The following FGF12 variants were observed in gnomAD, a reference collection of about 807,000 sequenced individuals.
FGF12 encodes fibroblast growth factor 12, also known as fibroblast growth factor 12B.
FGF12 carries 14 observed loss-of-function variants against 23.6 expected under a neutral mutation model. The ratio of observed to expected loss-of-function variants is 0.59; its 90% CI spans 0.39 to 0.93. The LOEUF (loss-of-function observed/expected upper bound fraction) is 0.93, where lower values mean the gene tolerates loss of function less well. Among genes scored for constraint, FGF12 ranks in the 40% least tolerant of loss-of-function variants. FGF12 has a pLI of 0.00. For missense variants in FGF12, 175 were observed against 217.8 expected, an observed-to-expected ratio of 0.80 and a Z score of 1.24; for synonymous variants, 62 against 77.3, an observed-to-expected ratio of 0.80 and a Z score of 1.04.
chr3:192,543,510 C>T (rs567793544), intron 2 of FGF12, among the ~76,000 whole-genome samples: 10 of 151,982 alleles, frequency 6.6e-5, no homozygotes, highest in East Asian at 1.9e-4. Flanking sequence ...CCATTGTGGC[C>T]GAGCTGGTAC....
intron 4 of FGF12, among the ~76,000 whole-genome samples, chr3:192,192,549 A>G (rs1246921782): frequency 6.7e-6 from 1 of 150,228 alleles, no homozygotes; most frequent in East Asian, 1.9e-4. Flanking sequence ...GAAACAAGAC[A>G]GATCTTCGCA....
At chr3:192,246,506 T>C (rs1711574883) in intron 4 of FGF12, among the ~76,000 whole-genome samples, 1 of 151,994 alleles carries the variant, frequency 6.6e-6, no homozygotes, top group East Asian at 1.9e-4. Context: ...TGGTTCTAAT[T>C]GACATAAATA....
At chr3:192,681,150 G>A (rs62294805) in intron 2 of FGF12, among the ~76,000 whole-genome samples, 11,667 of 152,206 alleles carry the variant, frequency 0.077, 474 homozygotes, top group Middle Eastern at 0.12. Flanking sequence ...AAATGATAAA[G>A]GGTCAGAATA....
intron 4 of FGF12, 65 bp downstream of exon 4, chr3:192,335,296 T>G (rs1560074952): frequency 1.9e-6 from 2 of 1,026,372 alleles, no homozygotes; most frequent in Non-Finnish European, 3.0e-6. Flanking sequence ...ACATGATGGT[T>G]ACTCCATTAC....
Position 192,484,454 on chromosome 3 carries a change from G to A in FGF12, c.14-123916C>T, listed in dbSNP as rs368970359. Reference sequence around the variant, plus strand: ...TGATAAAATATGCTGATTACAGCTCGCATATCCCCACAAAAAGCAAAATAC... The same window carrying A: ...TGATAAAATATGCTGATTACAGCTCACATATCCCCACAAAAAGCAAAATAC... On this transcript the variant is annotated intron_variant, in intron 2 of 5. Coordinates refer to ENST00000445105, the MANE Select transcript of FGF12 (RefSeq NM_004113.6). Among the ~76,000 whole-genome samples, 124 of 151,996 alleles carry A rather than the reference G, an allele frequency of 8.2e-4. 1 individual carries two copies. Among genetic ancestry groups the A allele is most frequent in the African/African-American group, 2.7e-3 (113 of 41,442 alleles).
intron 4 of FGF12, chr3:192,282,828 CAG>C: frequency 6.6e-6 from 1 of 152,076 alleles, no homozygotes; most frequent in East Asian, 1.9e-4. Context: ...ACAGAGAGTG[CAG>C]AGAGTATATA....
chr3:192,376,870 G>A (rs973167623), intron 2 of FGF12, among the ~76,000 whole-genome samples: 1 of 152,076 alleles, frequency 6.6e-6, no homozygotes, highest in African/African-American at 2.4e-5. Flanking sequence ...ATCCTTGTAT[G>A]GTTTCAATTA....
intron 5 of FGF12, among the ~76,000 whole-genome samples, chr3:192,167,941 A>G (rs2108615031): frequency 6.6e-6 from 1 of 150,772 alleles, no homozygotes; most frequent in Admixed American, 6.6e-5. Context: ...TAATTTTTGT[A>G]TTTTTAGTAG....
intron 4 of FGF12, among the ~76,000 whole-genome samples, chr3:192,272,071 G>A (rs1713476221): frequency 1.3e-5 from 2 of 152,112 alleles, no homozygotes; most frequent in African/African-American, 4.8e-5. Flanking sequence ...TATTAGGAAT[G>A]ACTAATAAAA....
intron 5 of FGF12, among the ~76,000 whole-genome samples, chr3:192,147,997 C>CT (rs36038034): frequency 0.16 from 24,920 of 152,076 alleles, 2,124 homozygotes; most frequent in South Asian, 0.2. Context: ...AATTGAAACC[C>CT]TATTCATTTC....
At chr3:192,686,423 C>T (rs1231844612) in intron 2 of FGF12, among the ~76,000 whole-genome samples, 6 of 152,136 alleles carry the variant, frequency 3.9e-5, no homozygotes, top group Non-Finnish European at 8.8e-5. Context: ...ACACCACTCC[C>T]CATCACCACA....
intron 2 of FGF12, among the ~76,000 whole-genome samples, chr3:192,583,846 G>GT (rs766878212): frequency 6.6e-6 from 1 of 152,062 alleles, no homozygotes; most frequent in Non-Finnish European, 1.5e-5. Flanking sequence ...TGAAATGATC[G>GT]TTTTATCTTT....
intron 2 of FGF12, among the ~76,000 whole-genome samples, chr3:192,550,349 A>G (rs1052895657): frequency 1.0e-4 from 15 of 150,076 alleles, no homozygotes; most frequent in Admixed American, 4.0e-4. Context: ...ATGTGCATAC[A>G]TATATAATAG....
intron 2 of FGF12, among the ~76,000 whole-genome samples, chr3:192,672,362 T>A (rs1005936826): frequency 6.6e-6 from 1 of 151,214 alleles, no homozygotes; most frequent in Non-Finnish European, 1.5e-5. Context: ...TCTTTTTTTT[T>A]AAAGTCTGGT....
intron 3 of FGF12, among the ~76,000 whole-genome samples, chr3:192,339,864 C>G (rs1256604451): frequency 6.6e-6 from 1 of 152,122 alleles, no homozygotes; most frequent in African/African-American, 2.4e-5. Context: ...AGCCCAGGTA[C>G]ATGTACACAG....
intron 2 of FGF12, among the ~76,000 whole-genome samples, chr3:192,376,871 G>A (rs918969964): frequency 1.3e-5 from 2 of 152,086 alleles, no homozygotes; most frequent in African/African-American, 2.4e-5. Context: ...TCCTTGTATG[G>A]TTTCAATTAT....
chr3:192,238,742 T>C (rs1435051357), intron 4 of FGF12: 1 of 152,206 alleles, frequency 6.6e-6, no homozygotes, highest in African/African-American at 2.4e-5. Context: ...TTATGGCTGC[T>C]TCAAAGGTTC....
At chr3:192,342,985 AAGAGAGGG>A (rs551053707) in intron 3 of FGF12, among the ~76,000 whole-genome samples, 156 of 151,974 alleles carry the variant, frequency 1.0e-3, no homozygotes, top group African/African-American at 3.4e-3. Context: ...GAAGAAGAGG[AAGAGAGGG>A]AGAGAGGGAG....
chr3:192,377,578 A>G (rs1244442610), intron 2 of FGF12, among the ~76,000 whole-genome samples: 2 of 152,206 alleles, frequency 1.3e-5, no homozygotes, highest in African/African-American at 4.8e-5. Flanking sequence ...GTAGAACATT[A>G]TGGGGGTAAC....
Sources: gnomAD v4.1 joint callset for allele counts (sites outside exome capture counted in the v4.1 genomes callset) on GRCh38, gnomAD v4.1.1 for gene constraint, MANE v1.5 for transcripts, NCBI Gene and HGNC (gene_info 2026-07-23, HGNC 2026-07-21) for gene names.